The following MBOAT4 variants were observed in gnomAD, a reference collection of about 807,000 sequenced individuals.
MBOAT4 encodes membrane-bound ghrelin O-acyltransferase MBOAT4.
MBOAT4 carries 11 observed loss-of-function variants against 13.2 expected under a neutral mutation model. That is an observed-to-expected ratio of 0.84 (90% CI 0.53 to 1.38). The LOEUF is 1.38. Ranked by LOEUF, MBOAT4 falls within the 40% of genes most tolerant of loss-of-function variation. The probability of loss-of-function intolerance (pLI) is 0.00; values close to 1 mark genes in which losing one functional copy is unlikely to be tolerated. For synonymous variants in MBOAT4, 202 were observed against 210.3 expected (o/e 0.96, Z 0.34); for missense variants, 481 against 527.2 (o/e 0.91, Z 0.86).
intron 2 of MBOAT4, chr8:30,137,797 C>T: frequency 5.4e-6 from 2 of 373,174 alleles, no homozygotes; most frequent in East Asian, 5.1e-5. Context: ...AACTAGACTG[C>T]CTTTGTAGGA....
intron 2 of MBOAT4, among the ~76,000 whole-genome samples, chr8:30,136,836 C>T (rs1423614798): frequency 3.3e-5 from 5 of 151,710 alleles, no homozygotes; most frequent in East Asian, 1.9e-4. Context: ...TCCAGGCGTC[C>T]GCCACTATGC....
chr8:30,138,644 C>T lies in MBOAT4; in HGVS notation c.232G>A (p.Ala78Thr), dbSNP rs748260150. The T allele has an allele frequency of 4.5e-6, 7 of 1,551,336 alleles. No individual in the cohort carries two copies. The highest frequency in any genetic ancestry group is 5.2e-6 in the Non-Finnish European group (6 of 1,146,828). ...VCAVALLCSLAPQQVHRWTFC... is the reference protein window; with the variant it reads ...VCAVALLCSLTPQQVHRWTFC... Reference sequence around the variant, plus strand: ...GTCCACCTGTGGACTTGCTGAGGAGCCAGGGAACAGAGGAGAGCCACAGCG... The same window carrying T: ...GTCCACCTGTGGACTTGCTGAGGAGTCAGGGAACAGAGGAGAGCCACAGCG... The change falls in exon 2 of 3, where the codon GCT becomes ACT. Residue 78 changes from alanine (A) to threonine (T), a missense_variant. Coordinates refer to ENST00000320542, the MANE Select transcript of MBOAT4 (RefSeq NM_001100916.2).
chr8:30,139,284 C>T (rs1161207610), intron 1 of MBOAT4, among the ~76,000 whole-genome samples: 1 of 26,662 alleles, frequency 3.8e-5, no homozygotes, highest in East Asian at 4.6e-4. Context: ...CCTTAGTGGC[C>T]CTGGAACCTC....
rs148514134 is a variant in MBOAT4, at chr8:30,132,132, C to T, written c.1119G>A (p.Pro373=). 7 of 1,551,594 alleles carry T rather than the reference C, an allele frequency of 4.5e-6. No individual in the cohort carries two copies. The highest frequency in any genetic ancestry group is 4.1e-5 in the African/African-American group (3 of 73,014). ...TGAGGGTTCTATAGAACAGCCTCAT[C>T]GGCCAGGATCTGATAAACTCATTGG... ...SFANEFIRSW[P]MRLFYRTLTW... is the part of the protein sequence containing the mutation. The change falls in exon 3 of 3, where the codon CCG becomes CCA. Residue 373 remains proline, a synonymous_variant. Transcript: ENST00000320542.
intron 2 of MBOAT4, among the ~76,000 whole-genome samples, chr8:30,134,719 T>C (rs1803102351): frequency 6.6e-6 from 1 of 152,064 alleles, no homozygotes; most frequent in South Asian, 2.1e-4. Context: ...AGCTAATTTT[T>C]GTATTTTTAG....
intron 1 of MBOAT4, among the ~76,000 whole-genome samples, chr8:30,143,347 C>CAAAAAAAAAAAAAAAAAAAA (rs776274086): frequency 1.4e-5 from 2 of 143,508 alleles, no homozygotes; most frequent in African/African-American, 5.6e-5. Context: ...GACTCCGTCT[C>CAAAAAAAAAAAAAAAAAAAA]AAAAAAAAAA....
chr8:30,134,628 T>G (rs1803100278), intron 2 of MBOAT4, among the ~76,000 whole-genome samples: 1 of 149,586 alleles, frequency 6.7e-6, no homozygotes, highest in Non-Finnish European at 1.5e-5. Context: ...CACTGCAACC[T>G]CTGCTGCCTC....
intron 2 of MBOAT4, among the ~76,000 whole-genome samples, chr8:30,135,315 G>A (rs903152648): frequency 6.6e-6 from 1 of 152,164 alleles, no homozygotes; most frequent in African/African-American, 2.4e-5. Flanking sequence ...AACATTGTGG[G>A]AAATGTTGAT....
chr8:30,144,437 C>T, intron 1 of MBOAT4, 46 bp downstream of exon 1: 1 of 1,391,406 alleles, frequency 7.2e-7, no homozygotes, highest in Non-Finnish European at 1.0e-6. Flanking sequence ...CACCCAGTCA[C>T]TATAGTATTT....
At chr8:30,141,897 G>A (rs2117550907) in intron 1 of MBOAT4, among the ~76,000 whole-genome samples, 1 of 152,276 alleles carries the variant, frequency 6.6e-6, no homozygotes, top group East Asian at 1.9e-4. Flanking sequence ...TGACTCAAAA[G>A]CCTGGACCAT....
intron 2 of MBOAT4, among the ~76,000 whole-genome samples, 198 bp from the exon 3 acceptor site, chr8:30,133,104 A>G (rs1464596798): frequency 6.6e-6 from 1 of 152,152 alleles, no homozygotes; most frequent in African/African-American, 2.4e-5. Context: ...TTTTATAGAC[A>G]TGGGGTCTCA....
intron 1 of MBOAT4, among the ~76,000 whole-genome samples, chr8:30,142,438 C>T (rs1031812371): frequency 2.0e-5 from 3 of 152,202 alleles, no homozygotes; most frequent in African/African-American, 7.2e-5. Flanking sequence ...TTACTACAAC[C>T]TCAACCTCTT....
chr8:30,142,473 A>G (rs1365305430), intron 1 of MBOAT4, among the ~76,000 whole-genome samples: 1 of 152,160 alleles, frequency 6.6e-6, no homozygotes, highest in African/African-American at 2.4e-5. Flanking sequence ...CTCCTGCCTC[A>G]GGCTCCTAAG....
intron 1 of MBOAT4, among the ~76,000 whole-genome samples, chr8:30,139,990 A>G (rs1175224518): frequency 6.6e-6 from 1 of 152,200 alleles, no homozygotes; most frequent in East Asian, 1.9e-4. Context: ...GTTACAGTTT[A>G]TTATATCCTG....
In MBOAT4 at chr8:30,132,726, G is replaced by A; in HGVS notation, c.525C>T (p.Leu175=). 6.4e-7 allele frequency: 1 copy of A among 1,551,680 alleles called. No individual in the cohort carries two copies. Among genetic ancestry groups the A allele is most frequent in the Non-Finnish European group, 8.7e-7 (1 of 1,147,006 alleles). Residue 175 remains leucine, a synonymous_variant, in exon 3 of 3, where the codon CTC becomes CTT. Transcript: ENST00000320542. ...GGAAGGAGCACAGAGAGCCTCCCAG[G>A]AGAGCAGGGAAAAAGAGCAAGTAGC... The part of the protein sequence containing the change: ...YFSYLLFFPA[L]LGGSLCSFQR...
At chr8:30,135,386 G>A (rs763837328) in intron 2 of MBOAT4, among the ~76,000 whole-genome samples, 19 of 152,162 alleles carry the variant, frequency 1.2e-4, no homozygotes, top group East Asian at 1.9e-4. Flanking sequence ...GAAATTTGCC[G>A]TAGAGGAAAT....
At position 30,132,422 on chromosome 8, in the gene MBOAT4, G is replaced by C; in HGVS notation, c.829C>G (p.Gln277Glu). The C allele has an allele frequency of 6.4e-7, 1 of 1,551,742 alleles. No homozygotes were observed. ...HAAGFGPELG[Q>E]SPGEEGYVPD... ...ACATATCCCTCCTCTCCAGGGCTCT[G>C]ACCAAGCTCAGGCCCAAAGCCCGCT... The change falls in exon 3 of 3, where the codon CAG becomes GAG. Residue 277 changes from glutamine (Q) to glutamate (E), a missense_variant. By Grantham distance (29) the Gln-to-Glu change is conservative (BLOSUM62 2). Transcript: ENST00000320542.
At position 30,138,563 on chromosome 8, in the gene MBOAT4, C is replaced by T. The variant is rs2044404821; in HGVS notation, c.313G>A (p.Glu105Lys). ...GAAGGAGGCTCATGCAGATAATACT[C>T]AGTGTAGTGCAGACCTAGGTGACAC... ...TLCHLGLHYT[E>K]YYLHEPPSVR... The change falls in exon 2 of 3, where the codon GAG becomes AAG. Residue 105 changes from glutamate to lysine, a missense_variant. Physicochemically the swap from Glu to Lys is moderately conservative, Grantham distance 56. Coordinates refer to ENST00000320542, the MANE Select transcript of MBOAT4 (RefSeq NM_001100916.2). 6.4e-7 allele frequency: 1 copy of T among 1,551,446 alleles called. No homozygotes were observed. The highest frequency in any genetic ancestry group is 8.7e-7 in the Non-Finnish European group (1 of 1,146,890).
At chr8:30,138,265 C>G (rs1803190183) in intron 2 of MBOAT4, 1 of 313,900 alleles carries the variant, frequency 3.2e-6, no homozygotes, top group South Asian at 6.8e-5. Context: ...ACTGCAATTC[C>G]CCTGTTTGTC....
Sources: gnomAD v4.1 joint callset for allele counts (sites outside exome capture counted in the v4.1 genomes callset) on GRCh38, gnomAD v4.1.1 for gene constraint, MANE v1.5 for transcripts, NCBI Gene and HGNC (gene_info 2026-07-23, HGNC 2026-07-21) for gene names.